The following TBC1D8B variants were observed in gnomAD, a reference collection of about 807,000 sequenced individuals.
TBC1D8B encodes the protein RP11-321G1.1.
TBC1D8B carries 75 observed loss-of-function variants against 82.9 expected under a neutral mutation model. The ratio of observed to expected loss-of-function variants is 0.90; its 90% CI spans 0.75 to 1.10. TBC1D8B has a LOEUF of 1.10. Ranked by LOEUF, TBC1D8B falls within the 50% of genes least tolerant of loss-of-function variation. The pLI is 0.00. For missense variants in TBC1D8B, 794 were observed against 796.9 expected, an observed-to-expected ratio of 1.00 and a Z score of 0.04; for synonymous variants, 276 against 276.8, an observed-to-expected ratio of 1.00 and a Z score of 0.03.
chrX:106,848,936 AT>A (rs34205623), intron 11 of TBC1D8B, among the ~76,000 whole-genome samples: 322 of 98,700 alleles, frequency 3.3e-3, no homozygotes, highest in African/African-American at 6.5e-3. Context: ...CGCCTGGCTA[AT>A]TTTTTTTTTT....
chrX:106,853,404 C>A, intron 12 of TBC1D8B, 117 bp from the exon 13 acceptor site: 1 of 683,481 alleles, frequency 1.5e-6, no homozygotes, highest in Non-Finnish European at 2.2e-6. Context: ...ATAAGACCTT[C>A]CCTTGTCCTC....
intron 1 of TBC1D8B, among the ~76,000 whole-genome samples, chrX:106,803,516 T>C (rs1208004216): frequency 9.1e-6 from 1 of 110,411 alleles, no homozygotes; most frequent in African/African-American, 3.3e-5. Flanking sequence ...AGAACTGGAG[T>C]CAGGAGAGGT....
intron 1 of TBC1D8B, among the ~76,000 whole-genome samples, chrX:106,813,649 A>C (rs762363149): frequency 1.8e-4 from 20 of 111,983 alleles, no homozygotes; most frequent in Non-Finnish European, 3.8e-4. Flanking sequence ...AAGTGCCTTC[A>C]TTTGAAATTC....
intron 2 of TBC1D8B, 60 bp downstream of exon 2, chrX:106,818,833 T>A: frequency 1.1e-6 from 1 of 904,473 alleles, no homozygotes; most frequent in South Asian, 2.5e-5. Context: ...AGCTGAGTAT[T>A]CATATTTATT....
intron 7 of TBC1D8B, chrX:106,829,894 C>A (rs1013139881): frequency 2.7e-5 from 3 of 110,970 alleles, no homozygotes; most frequent in Non-Finnish European, 3.8e-5. Context: ...GCAAGGACTT[C>A]ATGTCTAAAA....
At chrX:106,862,776 GTTTTTTTTTTTT>G (rs1181091591) in intron 14 of TBC1D8B, among the ~76,000 whole-genome samples, 1 of 37,298 alleles carries the variant, frequency 2.7e-5, no homozygotes, top group Non-Finnish European at 4.4e-5. Context: ...GTTTTTTTTT[GTTTTTTTTTTTT>G]TTTTTTTTTT....
intron 11 of TBC1D8B, among the ~76,000 whole-genome samples, chrX:106,848,713 A>G (rs1378577895): frequency 1.8e-5 from 2 of 111,406 alleles, no homozygotes; most frequent in African/African-American, 3.3e-5. Context: ...TGAATTATAT[A>G]GATATTTGCA....
intron 1 of TBC1D8B, among the ~76,000 whole-genome samples, chrX:106,809,408 C>T (rs1319669177): frequency 9.0e-6 from 1 of 111,085 alleles, no homozygotes; most frequent in Non-Finnish European, 1.9e-5. Flanking sequence ...TCTGGGAAGG[C>T]CTCTTAGGAT....
rs1180188161 is a variant in TBC1D8B at position 106,850,140 on chromosome X, C to T, written c.1953C>T (p.Leu651=). 8.3e-7 allele frequency: 1 copy of T among 1,211,446 alleles called. No homozygotes were observed. Among genetic ancestry groups the T allele is most frequent in the Non-Finnish European group, 1.1e-6 (1 of 895,432 alleles). ...CCTCAGTTTCTCTCTCTTGGTTTCT[C>T]ACACTTTTTATTAGTGTGCTACCTA... ...FFSSVSLSWF[L]TLFISVLPIE... The change falls in exon 12 of 21, where the codon CTC becomes CTT. Residue 651 remains leucine (L), a synonymous_variant. Coordinates refer to ENST00000357242, the MANE Select transcript of TBC1D8B (RefSeq NM_017752.3).
At chrX:106,830,784 G>A (rs1409996055) in intron 7 of TBC1D8B, among the ~76,000 whole-genome samples, 1 of 82,588 alleles carries the variant, frequency 1.2e-5, no homozygotes, top group Non-Finnish European at 2.3e-5. Context: ...ATCACACTCT[G>A]GCGACTGTGG....
intron 10 of TBC1D8B, among the ~76,000 whole-genome samples, chrX:106,841,868 T>G (rs1932315154): frequency 9.0e-6 from 1 of 111,216 alleles, no homozygotes; most frequent in African/African-American, 3.3e-5. Flanking sequence ...TGTGAAAGAT[T>G]TTATGGGCTA....
chrX:106,811,168 A>G (rs1265152108), intron 1 of TBC1D8B, among the ~76,000 whole-genome samples: 4 of 111,383 alleles, frequency 3.6e-5, no homozygotes, highest in Admixed American at 9.5e-5. Context: ...GGAGAGGAAT[A>G]CACATTGTGA....
intron 20 of TBC1D8B, among the ~76,000 whole-genome samples, chrX:106,871,032 G>T (rs981652970): frequency 2.7e-5 from 3 of 111,042 alleles, no homozygotes; most frequent in Non-Finnish European, 5.7e-5. Context: ...GAATTCTTCT[G>T]CTGTGACATG....
Position 106,874,086 on chromosome X carries a change from A to G in TBC1D8B, c.*121A>G. Reference sequence around the variant, plus strand: ...CCAATGTGTCTGAAGGCCAAAATATATATCCAGAAGCACAATGCATCATTC... The same window carrying G: ...CCAATGTGTCTGAAGGCCAAAATATGTATCCAGAAGCACAATGCATCATTC... On this transcript the variant is annotated 3_prime_UTR_variant, in exon 21 of 21. Coordinates refer to ENST00000357242, the MANE Select transcript of TBC1D8B (RefSeq NM_017752.3). 1.5e-6 allele frequency: 1 copy of G among 689,349 alleles called. No individual in the cohort carries two copies. The highest frequency in any genetic ancestry group is 2.1e-6 in the Non-Finnish European group (1 of 484,130). 56.8% of individuals were successfully genotyped at this position (689,349 alleles called of 1,213,427 possible).
At chrX:106,816,685 A>G (rs1931549966) in intron 1 of TBC1D8B, among the ~76,000 whole-genome samples, 2 of 111,149 alleles carry the variant, frequency 1.8e-5, no homozygotes, top group African/African-American at 3.3e-5. Context: ...ACATACTGCC[A>G]TTGCCAAAAT....
Position 106,868,385 on chromosome X carries a change from G to A in TBC1D8B, c.2729-8G>A. ...TAAATGTAATTTGGGTTATTTATAT[G>A]TTTTCAGCTTACACTGAAGTGAAAT... is the stretch of plus-strand genomic sequence containing the variant. On this transcript the variant is annotated splice_region_variant and splice_polypyrimidine_tract_variant and intron_variant, in intron 17 of 20. Transcript: ENST00000357242. The A allele has an allele frequency of 1.0e-6, 1 of 991,628 alleles. No homozygotes were observed. The highest frequency in any genetic ancestry group is 3.7e-5 in the East Asian group (1 of 27,006). The allele number at this position is 991,628 out of a possible 1,213,427, so 81.7% of individuals were successfully genotyped here. A position where few individuals can be genotyped will look rare whatever the true frequency, so the allele number is the denominator to read the frequency against.
chrX:106,841,394 A>G (rs1055402282), intron 10 of TBC1D8B, among the ~76,000 whole-genome samples: 1 of 112,036 alleles, frequency 8.9e-6, no homozygotes, highest in Admixed American at 9.5e-5. Context: ...AGAACATGCC[A>G]GGTGATGGAA....
At chrX:106,827,515 G>C in intron 7 of TBC1D8B, 178 bp downstream of exon 7, 1 of 433,837 alleles carries the variant, frequency 2.3e-6, no homozygotes, top group Non-Finnish European at 3.8e-6. Flanking sequence ...TGAGAATTAA[G>C]GACTTTATTC....
intron 1 of TBC1D8B, among the ~76,000 whole-genome samples, chrX:106,810,502 A>T (rs1931335375): frequency 8.9e-6 from 1 of 111,962 alleles, no homozygotes; most frequent in Admixed American, 9.4e-5. Context: ...ATAGAGAATT[A>T]AAGGGACCTA....
Sources: allele counts gnomAD v4.1 joint callset (sites outside exome capture counted in the v4.1 genomes callset), GRCh38; gene constraint gnomAD v4.1.1; transcripts MANE v1.5; gene names NCBI Gene and HGNC (gene_info 2026-07-23, HGNC 2026-07-21).